DNAH10: variants seen among roughly 807,000 people sequenced by gnomAD.
The protein encoded by DNAH10 is axonemal beta dynein heavy chain 10.
A neutral mutation model predicts 506.6 loss-of-function variants in DNAH10; 348 were observed. The observed-to-expected ratio is 0.69, with a 90% CI of 0.63 to 0.75. The LOEUF (loss-of-function observed/expected upper bound fraction) is 0.75, where lower values mean the gene tolerates loss of function less well. Among genes scored for constraint, DNAH10 ranks in the 30% least tolerant of loss-of-function variants. DNAH10 has a pLI of 0.00. For missense variants in DNAH10, 5,179 were observed against 5,787.1 expected (o/e 0.89, Z 3.41); for synonymous variants, 2,059 against 2,198.6 (o/e 0.94, Z 1.78).
intron 25 of DNAH10, among the ~76,000 whole-genome samples, 164 bp from the exon 26 acceptor site, chr12:123,830,358 GTTTAACTCTGGAGGCCAGTGGGAT>G (rs1349401572): frequency 6.6e-6 from 1 of 152,174 alleles, no homozygotes; most frequent in Non-Finnish European, 1.5e-5. Context: ...TTGTTTTCCG[GTTTAACTCTGGAGGCCAGTGGGAT>G]TTTGGAGAAC....
At chr12:123,872,368 G>GGGAC (rs1246299477) in intron 45 of DNAH10, among the ~76,000 whole-genome samples, 2 of 152,136 alleles carry the variant, frequency 1.3e-5, no homozygotes, top group African/African-American at 2.4e-5. Flanking sequence ...TACAGCCAGA[G>GGGAC]GGACCTGCAG....
rs1320855647 is a variant in DNAH10 at position 123,903,680 on chromosome 12, C to T, written c.9815+567C>T. 3.9e-5 allele frequency among the ~76,000 whole-genome samples: 6 copies of T among 152,218 alleles called. No homozygotes were observed. Among genetic ancestry groups the T allele is most frequent in the Admixed American group, 3.3e-4 (5 of 15,284 alleles). On this transcript the variant is annotated intron_variant, in intron 57 of 78. Transcript: ENST00000673944. The surrounding 1 kb of genome is among the most constrained non-coding windows in gnomAD (Gnocchi z 4.6). ...TGTCAGCGAGGGTAACGTGGTGTGG[C>T]GTGGGCTAACAAGCTTTCTCCTCGC...
intron 65 of DNAH10, among the ~76,000 whole-genome samples, chr12:123,920,481 C>CT (rs1335253165): frequency 3.3e-5 from 5 of 152,208 alleles, no homozygotes; most frequent in Admixed American, 6.5e-5. Flanking sequence ...TCCAATAAAA[C>CT]TTTTTTAGCA....
chr12:123,853,918 GCACA>G lies in DNAH10; in HGVS notation c.6438+568_6438+571del, dbSNP rs2136760738. On this transcript the variant is annotated intron_variant, in intron 36 of 78. Coordinates refer to ENST00000673944, the MANE Select transcript of DNAH10 (RefSeq NM_001372106.1). This position sits in a 1 kb window ranked among gnomAD's most constrained non-coding sequence, Gnocchi z 4.7. The stretch of plus-strand genomic sequence containing the variant: ...CGTACGCACGCACATGTACACATAC[GCACA>G]CGCACGCACACGCACACGCACACAC... Among the ~76,000 whole-genome samples, 1 of 146,240 alleles carries G rather than the reference GCACA, an allele frequency of 6.8e-6. No homozygotes were observed. Among genetic ancestry groups the G allele is most frequent in the South Asian group, 2.2e-4 (1 of 4,514 alleles).
At position 123,932,208 on chromosome 12, in the gene DNAH10, C is replaced by T. The variant is rs1249803481; in HGVS notation, c.13296+100C>T. 5.6e-6 allele frequency: 8 copies of T among 1,437,410 alleles called. No individual in the cohort carries two copies. In the East Asian group the frequency reaches 1.8e-4, roughly 33 times the overall value. The allele number at this position is 1,437,410 out of a possible 1,614,324, so 89.0% of individuals were successfully genotyped here. On this transcript the variant is annotated intron_variant, in intron 76 of 78. Transcript: ENST00000673944. ...CCTCTTTCCATTGCCCAGCAGTAAC[C>T]TCTGTTAAAGTTTATTGGGTGCTCT...
At chr12:123,863,733 C>T (rs981068208) in intron 39 of DNAH10, among the ~76,000 whole-genome samples, 1 of 152,210 alleles carries the variant, frequency 6.6e-6, no homozygotes, top group Non-Finnish European at 1.5e-5. Flanking sequence ...TCCTTAATTG[C>T]GTTTGCAAAG....
chr12:123,831,536 G>GAC (rs1204573769), intron 26 of DNAH10, among the ~76,000 whole-genome samples: 1 of 152,162 alleles, frequency 6.6e-6, no homozygotes, highest in African/African-American at 2.4e-5. Context: ...GTACAGCAAG[G>GAC]AACTACATTG....
At chr12:123,915,312 G>A (rs1004735000) in intron 62 of DNAH10, among the ~76,000 whole-genome samples, 1 of 152,156 alleles carries the variant, frequency 6.6e-6, no homozygotes, top group Admixed American at 6.5e-5. Context: ...GAGCTGAGGT[G>A]GGGGATGGGG....
intron 5 of DNAH10, among the ~76,000 whole-genome samples, chr12:123,780,746 C>G (rs1384880922): frequency 6.6e-6 from 1 of 151,014 alleles, no homozygotes; most frequent in Non-Finnish European, 1.5e-5. Context: ...GTCAGGAGAT[C>G]GAGACTAGCC....
intron 26 of DNAH10, among the ~76,000 whole-genome samples, chr12:123,831,171 A>T (rs992148274): frequency 5.9e-5 from 9 of 152,168 alleles, no homozygotes; most frequent in Admixed American, 5.9e-4. Flanking sequence ...TCATGGTAGA[A>T]AATTGAAAAA....
intron 73 of DNAH10, among the ~76,000 whole-genome samples, 172 bp downstream of exon 73, chr12:123,930,745 T>A (rs1030384412): frequency 1.3e-5 from 2 of 152,146 alleles, no homozygotes; most frequent in Admixed American, 6.5e-5. Context: ...CTGATAGAGT[T>A]CAGATTTCCC....
rs539382799 is a variant in DNAH10, at chr12:123,918,167, G to C, written c.11232+354G>C. On this transcript the variant is annotated intron_variant, in intron 64 of 78. Coordinates refer to ENST00000673944, the MANE Select transcript of DNAH10 (RefSeq NM_001372106.1). ...GGACCTGGTTTCTGTCCATTTCTGG[G>C]CTGGGCCTTCTACTGGGTTGGCGTC... is the stretch of plus-strand genomic sequence containing the variant. Among the ~76,000 whole-genome samples the C allele has an allele frequency of 2.0e-5, 3 of 152,324 alleles. No homozygotes were observed. The South Asian group carries it at 6.2e-4, about 32-fold the overall frequency.
chr12:123,884,082 G>A (rs1188965126), intron 51 of DNAH10, among the ~76,000 whole-genome samples: 6 of 152,166 alleles, frequency 3.9e-5, no homozygotes, highest in African/African-American at 1.4e-4. Context: ...TGCCCAGGCT[G>A]GAGTGCAATG....
In DNAH10 at chr12:123,853,055, T is replaced by A. The variant is rs929005205; in HGVS notation, c.6292-151T>A. ...AAAATGAAGGACCCACCCTGGTATT[T>A]CTGGAAGTTAGAGATGGAATTTGCT... On this transcript the variant is annotated intron_variant, in intron 35 of 78. Transcript: ENST00000673944. This position sits in a 1 kb window ranked among gnomAD's most constrained non-coding sequence, Gnocchi z 4.7. 43 of 801,720 alleles carry A rather than the reference T, an allele frequency of 5.4e-5. No homozygotes were observed. The highest frequency in any genetic ancestry group is 6.9e-5 in the African/African-American group (4 of 58,004). The allele number at this position is 801,720 out of a possible 1,614,324, so 49.7% of individuals were successfully genotyped here. A position where few individuals can be genotyped will look rare whatever the true frequency, so the allele number is the denominator to read the frequency against.
rs550267199 is a variant in DNAH10 at position 123,934,699 on chromosome 12, A to G, written c.13556A>G (p.Lys4519Arg). 11 of 1,613,770 alleles carry G rather than the reference A, an allele frequency of 6.8e-6. No homozygotes were observed. In the South Asian group the frequency reaches 1.1e-4, roughly 16 times the overall value. Reference sequence around the variant, plus strand: ...GGATGTCTTATCAAGAGCAAACCCAAGGTGCTGGTTGTGGACCTGCCGATC... The same window carrying G: ...GGATGTCTTATCAAGAGCAAACCCAGGGTGCTGGTTGTGGACCTGCCGATC... ...EKGCLIKSKP[K>R]VLVVDLPILK... Residue 4519 changes from lysine to arginine, a missense_variant, in exon 78 of 79, where the codon AAG (lysine) becomes AGG (arginine). Physicochemically the swap from Lys to Arg is conservative, Grantham distance 26. Coordinates refer to ENST00000673944, the MANE Select transcript of DNAH10 (RefSeq NM_001372106.1).
chr12:123,789,091 T>C (rs535006835), intron 10 of DNAH10, among the ~76,000 whole-genome samples: 1 of 151,528 alleles, frequency 6.6e-6, no homozygotes, highest in Non-Finnish European at 1.5e-5. Flanking sequence ...CTATGAAAAA[T>C]ACAAAAATTA....
At chr12:123,822,613 A>G (rs1036659324) in intron 24 of DNAH10, among the ~76,000 whole-genome samples, 2 of 152,120 alleles carry the variant, frequency 1.3e-5, no homozygotes, top group African/African-American at 4.8e-5. Context: ...TCTAATGTAT[A>G]TCTATATATC....
Position 123,917,941 on chromosome 12 carries a change from T to C in DNAH10, c.11232+128T>C. 11 of 1,010,366 alleles carry C rather than the reference T, an allele frequency of 1.1e-5. No individual in the cohort carries two copies. Among genetic ancestry groups the C allele is most frequent in the Admixed American group, 2.4e-5 (1 of 42,060 alleles). 62.6% of individuals were successfully genotyped at this position (1,010,366 alleles called of 1,614,324 possible). On this transcript the variant is annotated intron_variant, in intron 64 of 78. Coordinates refer to ENST00000673944, the MANE Select transcript of DNAH10 (RefSeq NM_001372106.1). This position sits in a 1 kb window ranked among gnomAD's most constrained non-coding sequence, Gnocchi z 5.6. ...TCTCAGGGCTAAAAACCCACCTCTA[T>C]TGGGATGTGCTGTGGGGAGGGGAGC...
chr12:123,793,586 T>C (rs1035930006), intron 11 of DNAH10, among the ~76,000 whole-genome samples: 3 of 152,216 alleles, frequency 2.0e-5, no homozygotes, highest in East Asian at 3.9e-4. Flanking sequence ...GATCTGCCCG[T>C]CTCGGCCTCC....
Sources: allele counts gnomAD v4.1 joint callset (sites outside exome capture counted in the v4.1 genomes callset), GRCh38; gene constraint gnomAD v4.1.1; non-coding constraint Gnocchi (gnomAD v3.1); transcripts MANE v1.5; gene names NCBI Gene and HGNC (gene_info 2026-07-23, HGNC 2026-07-21).